The following LRMDA variants were observed in gnomAD, a reference collection of about 807,000 sequenced individuals.
LRMDA encodes leucine-rich melanocyte differentiation-associated protein.
Under a neutral mutation model 29.8 loss-of-function variants are expected in LRMDA, and 18 were observed. The observed-to-expected ratio is 0.60, with a 90% CI of 0.42 to 0.90. LRMDA has a LOEUF of 0.90. Ranked by LOEUF, LRMDA falls within the 40% of genes least tolerant of loss-of-function variation. The probability of loss-of-function intolerance (pLI) is 0.00; values close to 1 mark genes in which losing one functional copy is unlikely to be tolerated. For synonymous variants in LRMDA, 125 were observed against 109.4 expected (o/e 1.14, Z -0.89); for missense variants, 273 against 273.9 (o/e 1.00, Z 0.02).
Position 75,819,255 on chromosome 10 carries a change from T to C in LRMDA, c.132-216753T>C, listed in dbSNP as rs896473978. Among the ~76,000 whole-genome samples, 8 of 152,154 alleles carry C rather than the reference T, an allele frequency of 5.3e-5. No individual in the cohort carries two copies. In the South Asian group the frequency reaches 1.7e-3, roughly 32 times the overall value. ...TGGGAAAGTGGCATTATTTGAGAAG[T>C]CCTAGTGCTGATAAGTTTGTGATCA... On this transcript the variant is annotated intron_variant, in intron 2 of 6. Transcript: ENST00000611255.
At chr10:76,461,922 A>G (rs1414240129) in intron 6 of LRMDA, among the ~76,000 whole-genome samples, 1 of 152,008 alleles carries the variant, frequency 6.6e-6, no homozygotes, top group Non-Finnish European at 1.5e-5. Flanking sequence ...GAAAAATACA[A>G]AAATCAGCCA....
chr10:75,617,677 A>T (rs868207691), intron 2 of LRMDA, among the ~76,000 whole-genome samples: 6 of 152,288 alleles, frequency 3.9e-5, no homozygotes, highest in Middle Eastern at 3.4e-3. Flanking sequence ...ATCACCTCAC[A>T]GTCACAACTT....
chr10:75,978,280 T>C (rs1159183066), intron 2 of LRMDA, among the ~76,000 whole-genome samples: 2 of 152,230 alleles, frequency 1.3e-5, no homozygotes, highest in Non-Finnish European at 2.9e-5. Flanking sequence ...CATGGTGTCA[T>C]GAGGAACCCT....
intron 6 of LRMDA, among the ~76,000 whole-genome samples, chr10:76,389,751 C>T (rs538266986): frequency 1.3e-5 from 2 of 152,020 alleles, no homozygotes; most frequent in South Asian, 2.1e-4. Flanking sequence ...TTACTTATTT[C>T]GCTTAGCATA....
At chr10:75,813,576 G>A (rs1049877868) in intron 2 of LRMDA, among the ~76,000 whole-genome samples, 2 of 152,222 alleles carry the variant, frequency 1.3e-5, no homozygotes. Flanking sequence ...TCTGGAGAGA[G>A]AGTGATGCTC....
At chr10:75,888,308 T>C (rs1265497950) in intron 2 of LRMDA, among the ~76,000 whole-genome samples, 6 of 152,192 alleles carry the variant, frequency 3.9e-5, no homozygotes, top group Non-Finnish European at 1.5e-5. Context: ...TGATCCACAA[T>C]AGTGGATCTG....
chr10:75,965,063 G>A (rs1364751758), intron 2 of LRMDA, among the ~76,000 whole-genome samples: 2 of 152,190 alleles, frequency 1.3e-5, no homozygotes, highest in Non-Finnish European at 2.9e-5. Context: ...ACTACACCCA[G>A]CCTGAAGCCT....
chr10:75,868,376 T>TG, intron 2 of LRMDA, among the ~76,000 whole-genome samples: 1 of 152,260 alleles, frequency 6.6e-6, no homozygotes, highest in East Asian at 1.9e-4. Context: ...TTTTATGAAA[T>TG]GGGGGTAATT....
rs868310076 is a variant in LRMDA, at chr10:75,747,291, C to T, written c.132-288717C>T. Among the ~76,000 whole-genome samples, 5 of 151,942 alleles carry T rather than the reference C, an allele frequency of 3.3e-5. 1 individual carries two copies. In the South Asian group the frequency reaches 6.2e-4, roughly 19 times the overall value. ...AAAATGACAGTTCAATAAAAAAAGT[C>T]GAATATAATTCCTGTCTTCTAAAAT... On this transcript the variant is annotated intron_variant, in intron 2 of 6. Coordinates refer to ENST00000611255, the MANE Select transcript of LRMDA (RefSeq NM_001305581.2).
intron 6 of LRMDA, among the ~76,000 whole-genome samples, chr10:76,454,219 T>A (rs937185147): frequency 1.3e-5 from 2 of 152,164 alleles, no homozygotes; most frequent in Non-Finnish European, 2.9e-5. Flanking sequence ...ATCACATAGA[T>A]GGAGGAGAAA....
chr10:76,539,171 G>T (rs937284470), intron 6 of LRMDA, among the ~76,000 whole-genome samples: 9 of 152,152 alleles, frequency 5.9e-5, no homozygotes, highest in Non-Finnish European at 8.8e-5. Flanking sequence ...AGTGGTGTTT[G>T]GATTCTGTCT....
chr10:75,986,886 C>T (rs1192963396), intron 2 of LRMDA, among the ~76,000 whole-genome samples: 1 of 152,226 alleles, frequency 6.6e-6, no homozygotes, highest in Non-Finnish European at 1.5e-5. Context: ...CTGAGATTCA[C>T]TTTACTGGTA....
chr10:75,607,620 C>T (rs1188364020), intron 2 of LRMDA, among the ~76,000 whole-genome samples: 1 of 152,122 alleles, frequency 6.6e-6, no homozygotes, highest in Non-Finnish European at 1.5e-5. Flanking sequence ...AATGCTAAAG[C>T]ATTACAGATG....
chr10:76,266,090 A>G (rs1379653105), intron 5 of LRMDA, among the ~76,000 whole-genome samples: 1 of 152,174 alleles, frequency 6.6e-6, no homozygotes, highest in Non-Finnish European at 1.5e-5. Context: ...TGATTAACTG[A>G]TCTAGAAAAT....
chr10:76,219,960 A>G (rs903374742), intron 5 of LRMDA, among the ~76,000 whole-genome samples: 1 of 152,234 alleles, frequency 6.6e-6, no homozygotes, highest in Non-Finnish European at 1.5e-5. Context: ...AGGATTCAGA[A>G]ACTCACTCAA....
At chr10:76,391,874 A>G (rs1442579827) in intron 6 of LRMDA, among the ~76,000 whole-genome samples, 2 of 152,174 alleles carry the variant, frequency 1.3e-5, no homozygotes, top group Non-Finnish European at 2.9e-5. Flanking sequence ...TTCTTAGTCT[A>G]CTTTGAAGTC....
rs553198229 is a variant in LRMDA, at chr10:75,459,926, C to T, written c.131+21432C>T. ...TCATCACTCTTATTAATAAATGCCT[C>T]GTATTAGGCTCCACCTCCTAACACT... is the stretch of plus-strand genomic sequence containing the variant. On this transcript the variant is annotated intron_variant, in intron 2 of 6. Coordinates refer to ENST00000611255, the MANE Select transcript of LRMDA (RefSeq NM_001305581.2). Among the ~76,000 whole-genome samples, 11 of 152,272 alleles carry T rather than the reference C, an allele frequency of 7.2e-5. No homozygotes were observed. In the East Asian group the frequency reaches 7.7e-4, roughly 11 times the overall value.
intron 5 of LRMDA, among the ~76,000 whole-genome samples, chr10:76,224,613 G>T (rs1851915737): frequency 6.8e-6 from 1 of 147,074 alleles, no homozygotes; most frequent in Admixed American, 6.8e-5. Context: ...TGCTAGGTTA[G>T]ATTCAAAGCT....
Position 75,829,896 on chromosome 10 carries a change from A to G in LRMDA, c.132-206112A>G, listed in dbSNP as rs148053557. Among the ~76,000 whole-genome samples the G allele has an allele frequency of 5.3e-3, 613 of 116,048 alleles. 1 individual carries two copies. In the Middle Eastern group the frequency reaches 0.071, roughly 14 times the overall value. The allele number at this position is 116,048 out of a possible 152,430, so 76.1% of individuals were successfully genotyped here. On this transcript the variant is annotated intron_variant, in intron 2 of 6. Transcript: ENST00000611255. The stretch of plus-strand genomic sequence containing the variant: ...TGAGAGATGTCAGTTGACTGCTTGT[A>G]TCCCAACTTCATCGTGAAAAGATGT...
Sources: gnomAD v4.1 joint callset for allele counts (sites outside exome capture counted in the v4.1 genomes callset) on GRCh38, gnomAD v4.1.1 for gene constraint, MANE v1.5 for transcripts, NCBI Gene and HGNC (gene_info 2026-07-23, HGNC 2026-07-21) for gene names.